CCDC141: variants seen among roughly 807,000 people sequenced by gnomAD.
CCDC141 encodes coiled-coil domain-containing protein 141.
CCDC141 carries 168 observed loss-of-function variants against 181.0 expected under a neutral mutation model. The observed-to-expected ratio is 0.93, with a 90% confidence interval of 0.82 to 1.05. The LOEUF (loss-of-function observed/expected upper bound fraction) is 1.05, where lower values mean the gene tolerates loss of function less well. Among genes scored for constraint, CCDC141 ranks in the 50% least tolerant of loss-of-function variants. The probability of loss-of-function intolerance (pLI) is 0.00; values close to 1 mark genes in which losing one functional copy is unlikely to be tolerated. For missense variants in CCDC141, 1,902 were observed against 1,788.5 expected (o/e 1.06, Z -1.14); for synonymous variants, 666 against 642.3 (o/e 1.04, Z -0.56).
At chr2:178,881,906 C>G (rs1686628753) in intron 11 of CCDC141, among the ~76,000 whole-genome samples, 1 of 105,570 alleles carries the variant, frequency 9.5e-6, no homozygotes, top group South Asian at 3.8e-4. Context: ...CTCTCTCTCT[C>G]TCTCTCTCTC....
At chr2:179,024,670 G>A (rs186299740) in intron 2 of CCDC141, among the ~76,000 whole-genome samples, 33 of 152,282 alleles carry the variant, frequency 2.2e-4, no homozygotes, top group African/African-American at 7.7e-4. Flanking sequence ...CAGAGCTCAC[G>A]TCAGCTTCCT....
chr2:178,983,051 A>G (rs936814959), intron 2 of CCDC141, among the ~76,000 whole-genome samples: 1 of 152,216 alleles, frequency 6.6e-6, no homozygotes. Flanking sequence ...ACCTCTGCAG[A>G]CTTAAATGTC....
chr2:179,040,899 T>C (rs1053793884), intron 2 of CCDC141, among the ~76,000 whole-genome samples: 1 of 152,228 alleles, frequency 6.6e-6, no homozygotes, highest in Non-Finnish European at 1.5e-5. Context: ...GGTATATACC[T>C]AGTAATGGAT....
intron 2 of CCDC141, among the ~76,000 whole-genome samples, chr2:179,018,629 C>T (rs1359302805): frequency 6.6e-6 from 1 of 152,134 alleles, no homozygotes; most frequent in Admixed American, 6.6e-5. Context: ...CCATGAAACC[C>T]TTCTCTCCAT....
chr2:179,041,169 TCACGCCATTTTCCTGCCTC>T (rs1192356920), intron 2 of CCDC141, among the ~76,000 whole-genome samples: 6 of 152,256 alleles, frequency 3.9e-5, no homozygotes, highest in African/African-American at 1.2e-4. Context: ...CCTCCTGGGT[TCACGCCATTTTCCTGCCTC>T]CACGCCATTC....
chr2:179,015,300 ATGTATCATACATATCTCATATATG>A (rs1559049340), intron 2 of CCDC141, among the ~76,000 whole-genome samples: 2 of 24,768 alleles, frequency 8.1e-5, no homozygotes, highest in South Asian at 9.7e-4. Context: ...TATCTCATAT[ATGTATCATACATATCTCATATATG>A]TATCATACAT....
At chr2:178,895,404 T>A (rs150354341) in intron 8 of CCDC141, among the ~76,000 whole-genome samples, 2 of 152,272 alleles carry the variant, frequency 1.3e-5, no homozygotes, top group African/African-American at 4.8e-5. Flanking sequence ...CCTCTGGAGG[T>A]TCTGTAGGTC....
At chr2:178,872,098 C>A (rs1370794078) in intron 13 of CCDC141, 35 bp downstream of exon 13, 1 of 1,593,942 alleles carries the variant, frequency 6.3e-7, no homozygotes, top group Non-Finnish European at 8.6e-7. Context: ...GTCGGAATTT[C>A]ATTCCTTTTC....
chr2:178,993,308 A>G lies in CCDC141; in HGVS notation c.226-14633T>C, dbSNP rs139159213. On this transcript the variant is annotated intron_variant, in intron 2 of 23. Coordinates refer to ENST00000443758, the MANE Select transcript of CCDC141 (RefSeq NM_173648.4). The stretch of plus-strand genomic sequence containing the variant: ...TTTACAAAGGAAAGAGGTTTAATGG[A>G]GTACTCACAGTTACACGTGACTGGG... 4.1e-4 allele frequency among the ~76,000 whole-genome samples: 62 copies of G among 152,358 alleles called. 1 individual carries two copies. The East Asian group carries it at 0.011, about 27-fold the overall frequency.
intron 21 of CCDC141, 21 bp from the exon 22 acceptor site, chr2:178,845,763 TG>T (rs770265891): frequency 2.8e-6 from 4 of 1,414,598 alleles, no homozygotes; most frequent in Non-Finnish European, 4.0e-6. Flanking sequence ...CAACAGTTAG[TG>T]AGAGCATGAG....
chr2:178,817,486 T>C, the CCDC141 span: 1 of 470,836 alleles, frequency 2.1e-6, no homozygotes, highest in Non-Finnish European at 4.4e-6. Context: ...TGAAACACAA[T>C]ATATTCTTCT....
chr2:178,875,971 T>A (rs1435879655), intron 12 of CCDC141: 1 of 152,184 alleles, frequency 6.6e-6, no homozygotes, highest in East Asian at 1.9e-4. Flanking sequence ...CTTTTCTTTT[T>A]TTTTGCAGTA....
At chr2:179,004,541 A>G (rs941559938) in intron 2 of CCDC141, among the ~76,000 whole-genome samples, 11 of 152,200 alleles carry the variant, frequency 7.2e-5, no homozygotes, top group African/African-American at 2.6e-4. Context: ...TTTATTGTCA[A>G]TTTGATTCTA....
intron 19 of CCDC141, among the ~76,000 whole-genome samples, chr2:178,854,599 G>A (rs572452020): frequency 6.6e-6 from 1 of 152,286 alleles, no homozygotes; most frequent in African/African-American, 2.4e-5. Flanking sequence ...TGCAGGGTGA[G>A]AAATAGAAAC....
At chr2:179,033,908 T>C (rs772418924) in intron 2 of CCDC141, among the ~76,000 whole-genome samples, 2 of 152,188 alleles carry the variant, frequency 1.3e-5, no homozygotes, top group Non-Finnish European at 2.9e-5. Flanking sequence ...AATTTATCTA[T>C]GTCACAAGTA....
chr2:179,014,401 A>G (rs1481036568), intron 2 of CCDC141, among the ~76,000 whole-genome samples: 1 of 152,190 alleles, frequency 6.6e-6, no homozygotes, highest in Non-Finnish European at 1.5e-5. Flanking sequence ...CAAATGCAAT[A>G]AAAACAAACA....
At chr2:178,941,386 T>C (rs1689503739) in intron 6 of CCDC141, among the ~76,000 whole-genome samples, 1 of 152,202 alleles carries the variant, frequency 6.6e-6, no homozygotes, top group Non-Finnish European at 1.5e-5. Flanking sequence ...GCCAGTTATC[T>C]TGCCAGTGAA....
At chr2:178,925,831 G>A (rs916678724) in intron 6 of CCDC141, among the ~76,000 whole-genome samples, 12 of 151,786 alleles carry the variant, frequency 7.9e-5, no homozygotes, top group East Asian at 7.7e-4. Context: ...TAATGTTCTC[G>A]GAGGACTTAC....
intron 5 of CCDC141, among the ~76,000 whole-genome samples, chr2:178,951,406 C>T (rs977728845): frequency 2.0e-5 from 3 of 152,138 alleles, no homozygotes; most frequent in Non-Finnish European, 2.9e-5. Flanking sequence ...GGATTTCCTA[C>T]CAAAGTTTTG....
Sources: allele counts gnomAD v4.1 joint callset (sites outside exome capture counted in the v4.1 genomes callset), GRCh38; gene constraint gnomAD v4.1.1; transcripts MANE v1.5; gene names NCBI Gene and HGNC (gene_info 2026-07-23, HGNC 2026-07-21).